The following EXOC6 variants were observed in gnomAD, a reference collection of about 807,000 sequenced individuals.
The protein encoded by EXOC6 is exocyst complex component 6, also known as SEC15-like 1.
EXOC6 carries 60 observed loss-of-function variants against 112.5 expected under a neutral mutation model. The ratio of observed to expected loss-of-function variants is 0.53; its 90% CI spans 0.43 to 0.66. The LOEUF is 0.66. Ranked by LOEUF, EXOC6 falls within the 30% of genes least tolerant of loss-of-function variation. The probability of loss-of-function intolerance (pLI) is 0.00; values close to 1 mark genes in which losing one functional copy is unlikely to be tolerated. For synonymous variants in EXOC6, 295 were observed against 308.0 expected, an observed-to-expected ratio of 0.96 and a Z score of 0.44; for missense variants, 855 against 957.1, an observed-to-expected ratio of 0.89 and a Z score of 1.41.
intron 20 of EXOC6, among the ~76,000 whole-genome samples, chr10:93,037,187 G>C (rs952478239): frequency 4.0e-5 from 6 of 148,492 alleles, no homozygotes; most frequent in African/African-American, 1.5e-4. Flanking sequence ...CTGTCGCCCA[G>C]GCTGGAGTGC....
At chr10:92,889,078 A>G (rs1172836702) in intron 1 of EXOC6, among the ~76,000 whole-genome samples, 2 of 152,192 alleles carry the variant, frequency 1.3e-5, no homozygotes, top group Non-Finnish European at 2.9e-5. Context: ...TGGTAGTCAG[A>G]TCCTTTGGTG....
intron 1 of EXOC6, among the ~76,000 whole-genome samples, chr10:92,882,649 C>T (rs1345753264): frequency 6.6e-6 from 1 of 151,944 alleles, no homozygotes; most frequent in African/African-American, 2.4e-5. Context: ...CCCCATCTCT[C>T]AAAGATAATT....
intron 1 of EXOC6, among the ~76,000 whole-genome samples, chr10:92,882,955 A>G (rs568398706): frequency 3.9e-5 from 6 of 152,332 alleles, no homozygotes; most frequent in Admixed American, 1.3e-4. Flanking sequence ...AGCTTCTCCT[A>G]CTTTCCAGGA....
rs187565779 is a variant in EXOC6, at chr10:92,836,054, G to T, written c.86+1230G>T. The stretch of plus-strand genomic sequence containing the variant: ...CTAGGTAGGTGGTCAAGTGCCAGGT[G>T]CTAGGTAGTTAAGTGCTAGATGCTA... On this transcript the variant is annotated intron_variant, in intron 1 of 21. Coordinates refer to the EXOC6 transcript ENST00000371552. 2.9e-3 allele frequency among the ~76,000 whole-genome samples: 436 copies of T among 152,318 alleles called. 2 individuals are homozygous for T. Among genetic ancestry groups the T allele is most frequent in the African/African-American group, 0.01 (418 of 41,574 alleles).
At position 92,998,665 on chromosome 10, in the gene EXOC6, C is replaced by A. The variant is rs186113703; in HGVS notation, c.2095+1050C>A. ...ACACACACACACACACACACACACA[C>A]TCCAAAGTTTCTAAAAACCTACCCA... On this transcript the variant is annotated intron_variant, in intron 19 of 21. Coordinates refer to ENST00000260762, the MANE Select transcript of EXOC6 (RefSeq NM_019053.6). Among the ~76,000 whole-genome samples the A allele has an allele frequency of 7.1e-3, 1,056 of 148,580 alleles. 19 individuals carry two copies. The highest frequency in any genetic ancestry group is 0.025 in the African/African-American group (1,001 of 39,746).
At chr10:93,026,692 G>A (rs1332406681) in intron 20 of EXOC6, among the ~76,000 whole-genome samples, 1 of 152,090 alleles carries the variant, frequency 6.6e-6, no homozygotes, top group Non-Finnish European at 1.5e-5. Context: ...AGTGGTCTTT[G>A]ATGTTACCAT....
At chr10:93,013,274 G>A (rs970514829) in intron 19 of EXOC6, among the ~76,000 whole-genome samples, 12 of 151,894 alleles carry the variant, frequency 7.9e-5, no homozygotes, top group African/African-American at 1.7e-4. Context: ...AAAAATTCTC[G>A]TTGAGATTTT....
chr10:92,903,939 G>A (rs903553678), intron 5 of EXOC6, among the ~76,000 whole-genome samples: 1 of 151,914 alleles, frequency 6.6e-6, no homozygotes, highest in African/African-American at 2.4e-5. Flanking sequence ...AAACTTTCCT[G>A]TGCTCCCTAT....
At chr10:92,985,103 C>T (rs928115596) in intron 18 of EXOC6, among the ~76,000 whole-genome samples, 1 of 152,096 alleles carries the variant, frequency 6.6e-6, no homozygotes, top group South Asian at 2.1e-4. Flanking sequence ...GCCCCATCCC[C>T]CTCTGCTCTC....
At chr10:92,978,797 C>T (rs768603003) in intron 18 of EXOC6, among the ~76,000 whole-genome samples, 6 of 152,114 alleles carry the variant, frequency 3.9e-5, no homozygotes, top group Non-Finnish European at 5.9e-5. Context: ...AAGCTTCAGA[C>T]GAAGCTTATC....
intron 9 of EXOC6, among the ~76,000 whole-genome samples, chr10:92,932,456 T>C (rs1029184864): frequency 7.9e-5 from 12 of 152,128 alleles, no homozygotes; most frequent in African/African-American, 2.2e-4. Flanking sequence ...AAATTGTACC[T>C]CAATAAACTT....
intron 8 of EXOC6, among the ~76,000 whole-genome samples, chr10:92,922,696 T>C (rs1851513753): frequency 6.6e-6 from 1 of 152,236 alleles, no homozygotes; most frequent in South Asian, 2.1e-4. Context: ...TCATAGCTTA[T>C]CATTTTTCAG....
chr10:92,864,787 C>G (rs555239639), intron 1 of EXOC6, among the ~76,000 whole-genome samples: 1 of 152,160 alleles, frequency 6.6e-6, no homozygotes, highest in African/African-American at 2.4e-5. Flanking sequence ...ACACGAGCAG[C>G]CCCCCTGGTT....
intron 4 of EXOC6, among the ~76,000 whole-genome samples, chr10:92,897,389 G>A (rs12762181): frequency 6.6e-6 from 1 of 152,124 alleles, no homozygotes; most frequent in African/African-American, 2.4e-5. Flanking sequence ...GTAGGTATTG[G>A]AACTATAAAG....
chr10:92,955,796 C>T (rs1389593674), intron 17 of EXOC6, 82 bp downstream of exon 17: 18 of 1,251,286 alleles, frequency 1.4e-5, no homozygotes, highest in Non-Finnish European at 1.9e-5. Flanking sequence ...CTTATATATG[C>T]AAGATCTACT....
chr10:92,907,691 A>C (rs1323958609), intron 5 of EXOC6, among the ~76,000 whole-genome samples: 1 of 152,232 alleles, frequency 6.6e-6, no homozygotes, highest in Non-Finnish European at 1.5e-5. Context: ...TCAGGAAATT[A>C]GTCAAGGATC....
intron 12 of EXOC6, among the ~76,000 whole-genome samples, chr10:92,938,729 G>A (rs1852495231): frequency 6.6e-6 from 1 of 152,114 alleles, no homozygotes; most frequent in South Asian, 2.1e-4. Flanking sequence ...CAGTAAGACA[G>A]TAGGGACGTA....
At chr10:93,049,462 A>G (rs1846177422) in intron 20 of EXOC6, among the ~76,000 whole-genome samples, 1 of 152,256 alleles carries the variant, frequency 6.6e-6, no homozygotes, top group Non-Finnish European at 1.5e-5. Flanking sequence ...TTATTTGTCA[A>G]TAAAAAGGAA....
At chr10:92,968,251 C>T (rs139481734) in intron 17 of EXOC6, among the ~76,000 whole-genome samples, 59 of 148,632 alleles carry the variant, frequency 4.0e-4, no homozygotes, top group African/African-American at 1.4e-3. Flanking sequence ...GTGGTGCAAT[C>T]GTAGCTTACT....
Sources: gnomAD v4.1 joint callset for allele counts (sites outside exome capture counted in the v4.1 genomes callset) on GRCh38, gnomAD v4.1.1 for gene constraint, MANE v1.5 for transcripts, NCBI Gene and HGNC (gene_info 2026-07-23, HGNC 2026-07-21) for gene names.